Variants in ABRACL observed in about 807,000 individuals in gnomAD.
The protein encoded by ABRACL is ABRA C-terminal like, also known as costars family protein ABRACL.
A neutral mutation model predicts 7.0 loss-of-function variants in ABRACL; 4 were observed. That is an observed-to-expected ratio of 0.57 (90% CI 0.28 to 1.30). The LOEUF is 1.30. Ranked by LOEUF, ABRACL falls within the 50% of genes most tolerant of loss-of-function variation. ABRACL has a pLI of 0.10. For synonymous variants in ABRACL, 30 were observed against 36.0 expected, an observed-to-expected ratio of 0.83 and a Z score of 0.60; for missense variants, 104 against 97.3, an observed-to-expected ratio of 1.07 and a Z score of -0.29.
intron 2 of ABRACL, among the ~76,000 whole-genome samples, chr6:139,037,743 C>T (rs1216295809): frequency 6.6e-6 from 1 of 151,132 alleles, no homozygotes; most frequent in African/African-American, 2.4e-5. Flanking sequence ...TCATGTTACT[C>T]TTGGCAGCAT....
At chr6:139,030,758 G>A (rs1044834237) in intron 1 of ABRACL, among the ~76,000 whole-genome samples, 1 of 152,102 alleles carries the variant, frequency 6.6e-6, no homozygotes, top group African/African-American at 2.4e-5. Flanking sequence ...AGAGGAAGCG[G>A]GGAAACAGCC....
chr6:139,041,591 G>C (rs1786254886), intron 2 of ABRACL, among the ~76,000 whole-genome samples: 1 of 146,430 alleles, frequency 6.8e-6, no homozygotes, highest in African/African-American at 2.5e-5. Context: ...AAACTTCTGG[G>C]CTCAAGGTAT....
At chr6:139,032,164 C>T (rs1786092025) in intron 1 of ABRACL, among the ~76,000 whole-genome samples, 1 of 152,088 alleles carries the variant, frequency 6.6e-6, no homozygotes, top group Admixed American at 6.5e-5. Context: ...CGGGGTTTCA[C>T]CGTGTTAGCC....
At position 139,042,933 on chromosome 6, in the gene ABRACL, T is replaced by C; in HGVS notation, c.*30T>C. 3 of 1,527,268 alleles carry C rather than the reference T, an allele frequency of 2.0e-6. No individual in the cohort carries two copies. The highest frequency in any genetic ancestry group is 2.6e-6 in the Non-Finnish European group (3 of 1,132,536). 94.6% of individuals were successfully genotyped at this position (1,527,268 alleles called of 1,614,324 possible). On this transcript the variant is annotated 3_prime_UTR_variant, in exon 3 of 3. Transcript: ENST00000367660. Reference sequence around the variant, plus strand: ...GTTTACATATCTTTATGTACTGCCATTTTTTGTTTCTGGTAAACTGGAATA... The same window carrying C: ...GTTTACATATCTTTATGTACTGCCACTTTTTGTTTCTGGTAAACTGGAATA...
chr6:139,041,439 C>T (rs1230183461), intron 2 of ABRACL, among the ~76,000 whole-genome samples: 1 of 67,286 alleles, frequency 1.5e-5, no homozygotes, highest in East Asian at 5.6e-4. Context: ...CTCTCTCTCT[C>T]TCTCTCTCTC....
At chr6:139,034,440 G>A (rs991684677) in intron 2 of ABRACL, 70 of 1,481,454 alleles carry the variant, frequency 4.7e-5, no homozygotes, top group Non-Finnish European at 6.0e-5. Context: ...GGGAATAGTT[G>A]AGATATTTCA....
At chr6:139,031,397 A>G (rs1368149023) in intron 1 of ABRACL, among the ~76,000 whole-genome samples, 1 of 152,252 alleles carries the variant, frequency 6.6e-6, no homozygotes, top group African/African-American at 2.4e-5. Context: ...TACATAAAAA[A>G]GAGCTTTAGT....
At chr6:139,039,348 C>T (rs1177635956) in intron 2 of ABRACL, among the ~76,000 whole-genome samples, 1 of 152,098 alleles carries the variant, frequency 6.6e-6, no homozygotes, top group Non-Finnish European at 1.5e-5. Flanking sequence ...TGTGTCTTAT[C>T]TTCCATGAAA....
intron 2 of ABRACL, among the ~76,000 whole-genome samples, chr6:139,036,736 C>G (rs905881933): frequency 1.3e-5 from 2 of 152,100 alleles, no homozygotes; most frequent in Admixed American, 6.5e-5. Context: ...GTAATCCTAG[C>G]ACATCAGGGG....
At chr6:139,034,252 C>T (rs972648865) in intron 2 of ABRACL, 31 bp downstream of exon 2, 3 of 1,614,028 alleles carry the variant, frequency 1.9e-6, no homozygotes, top group Admixed American at 3.3e-5. Flanking sequence ...GAGTATTTCT[C>T]CTGGCTTTAC....
In ABRACL at chr6:139,042,764, A is replaced by T. The variant is rs1786271659; in HGVS notation, c.107A>T (p.Asp36Val). 1 of 1,613,524 alleles carries T rather than the reference A, an allele frequency of 6.2e-7. No homozygotes were observed. The highest frequency in any genetic ancestry group is 8.5e-7 in the Non-Finnish European group (1 of 1,179,862). Residue 36 changes from aspartate to valine, a missense_variant, in exon 3 of 3, where the codon GAT becomes GTT. Asp to Val is a radical substitution (Grantham distance 152). Transcript: ENST00000367660. ...GTGAAATTTGGGGTCCTCTTCCGTG[A>T]TGATAAATGTGCCAACCTCTTTGAA... ...LSVKFGVLFR[D>V]DKCANLFEAL...
chr6:139,030,056 A>C (rs62441849), intron 1 of ABRACL, among the ~76,000 whole-genome samples: 15,666 of 151,714 alleles, frequency 0.1, 959 homozygotes, highest in Non-Finnish European at 0.14. Flanking sequence ...GCCGTCATCT[A>C]CCTCGCCTTC....
At chr6:139,039,598 G>A (rs1463095864) in intron 2 of ABRACL, among the ~76,000 whole-genome samples, 3 of 152,154 alleles carry the variant, frequency 2.0e-5, no homozygotes, top group African/African-American at 7.2e-5. Context: ...GAAGTTTCTG[G>A]GTTTCTGGGC....
At chr6:139,041,469 A>G (rs1582902399) in intron 2 of ABRACL, among the ~76,000 whole-genome samples, 2 of 108,910 alleles carry the variant, frequency 1.8e-5, no homozygotes, top group Non-Finnish European at 3.8e-5. Context: ...ATATATATAT[A>G]TTTCTATATT....
intron 2 of ABRACL, chr6:139,034,423 T>C (rs1450693597): frequency 2.7e-5 from 41 of 1,524,700 alleles, no homozygotes; most frequent in Non-Finnish European, 3.4e-5. Context: ...ATTGTGATTC[T>C]GATGCAGGGA....
chr6:139,036,467 A>C (rs1167645258), intron 2 of ABRACL, among the ~76,000 whole-genome samples: 2 of 152,098 alleles, frequency 1.3e-5, no homozygotes, highest in South Asian at 4.1e-4. Flanking sequence ...TTTCTATATC[A>C]AACCCGAGTC....
At chr6:139,031,421 T>G (rs1370826641) in intron 1 of ABRACL, among the ~76,000 whole-genome samples, 1 of 152,320 alleles carries the variant, frequency 6.6e-6, no homozygotes, top group Non-Finnish European at 1.5e-5. Context: ...TTTTGTTTTG[T>G]TTTTAAAGCA....
intron 1 of ABRACL, among the ~76,000 whole-genome samples, chr6:139,032,769 C>T (rs1786101526): frequency 1.3e-5 from 2 of 152,332 alleles, no homozygotes; most frequent in South Asian, 4.1e-4. Flanking sequence ...GATGCATCTT[C>T]TACCCAGTTG....
chr6:139,032,031 G>C (rs1786089045), intron 1 of ABRACL, among the ~76,000 whole-genome samples: 1 of 151,782 alleles, frequency 6.6e-6, no homozygotes, highest in Admixed American at 6.6e-5. Flanking sequence ...CGTGATCTCG[G>C]CTCACTGCAA....
Sources: allele counts gnomAD v4.1 joint callset (sites outside exome capture counted in the v4.1 genomes callset), GRCh38; gene constraint gnomAD v4.1.1; transcripts MANE v1.5; gene names NCBI Gene and HGNC (gene_info 2026-07-23, HGNC 2026-07-21).